The following ADD3 variants were observed in gnomAD, a reference collection of about 807,000 sequenced individuals.
ADD3 encodes the protein adducin 3.
In ADD3, 25 loss-of-function variants were observed where a neutral mutation model predicts 80.2. The ratio of observed to expected loss-of-function variants is 0.31; its 90% CI spans 0.23 to 0.44. The LOEUF is 0.44. ADD3 is among the 20% of genes least tolerant of loss of function. ADD3 has a pLI of 1.00. For missense variants in ADD3, 829 were observed against 847.5 expected (o/e 0.98, Z 0.27); for synonymous variants, 284 against 289.6 (o/e 0.98, Z 0.20).
chr10:110,009,041 A>C (rs1852006695), intron 1 of ADD3, among the ~76,000 whole-genome samples: 1 of 152,196 alleles, frequency 6.6e-6, no homozygotes, highest in African/African-American at 2.4e-5. Flanking sequence ...GGCCTCTTTT[A>C]AAATGGCAAG....
chr10:110,122,948 ACT>A (rs1408541515), intron 9 of ADD3, among the ~76,000 whole-genome samples: 2 of 151,572 alleles, frequency 1.3e-5, no homozygotes, highest in Non-Finnish European at 2.9e-5. Flanking sequence ...ACTTTTTAAG[ACT>A]CTGTATATAA....
intron 1 of ADD3, among the ~76,000 whole-genome samples, chr10:110,096,207 A>G (rs1214115374): frequency 2.0e-5 from 3 of 152,240 alleles, no homozygotes; most frequent in African/African-American, 7.2e-5. Flanking sequence ...CATTCTACCT[A>G]GAAATCTTAG....
intron 1 of ADD3, among the ~76,000 whole-genome samples, chr10:110,028,436 C>T (rs573615470): frequency 3.3e-5 from 5 of 152,062 alleles, no homozygotes; most frequent in South Asian, 4.2e-4. Flanking sequence ...TGGTGGCGGG[C>T]GCCTGTAATC....
At chr10:110,110,424 A>G (rs1300496599) in intron 2 of ADD3, among the ~76,000 whole-genome samples, 1 of 152,208 alleles carries the variant, frequency 6.6e-6, no homozygotes, top group East Asian at 1.9e-4. Context: ...AAACTGTTCA[A>G]CAGGAGCTAT....
rs568984236 is a variant in ADD3 at position 110,128,697 on chromosome 10, G to A, written c.1609-1666G>A. ...CTCCCAAAGTGCTGGGATTACAGGC[G>A]TGAGCCACCACGCCCAGCCAACTTT... On this transcript the variant is annotated intron_variant, in intron 12 of 14. Transcript: ENST00000356080. Among the ~76,000 whole-genome samples, 656 of 152,308 alleles carry A rather than the reference G, an allele frequency of 4.3e-3. 3 individuals are homozygous for A. The highest frequency in any genetic ancestry group is 0.011 in the South Asian group (55 of 4,818).
intron 1 of ADD3, among the ~76,000 whole-genome samples, chr10:110,079,599 A>G (rs1845831326): frequency 1.3e-5 from 2 of 151,266 alleles, no homozygotes; most frequent in African/African-American, 4.9e-5. Context: ...TCTGTCACCT[A>G]GGTTGGAGTA....
At chr10:110,073,997 C>T (rs965601493) in intron 1 of ADD3, among the ~76,000 whole-genome samples, 2 of 151,822 alleles carry the variant, frequency 1.3e-5, no homozygotes, top group Non-Finnish European at 2.9e-5. Context: ...GACTGAATGT[C>T]CCACAGAGCT....
rs113327048 is a variant in ADD3 at position 110,045,486 on chromosome 10, C to T, written c.-30+37187C>T. On this transcript the variant is annotated intron_variant, in intron 1 of 14. Transcript: ENST00000356080. Reference sequence around the variant, plus strand: ...ATAAATTTTATCTCCTTATAGTTGACGCTTGAGCAATGTGGGTTTGAATAG... The same window carrying T: ...ATAAATTTTATCTCCTTATAGTTGATGCTTGAGCAATGTGGGTTTGAATAG... 5.2e-3 allele frequency among the ~76,000 whole-genome samples: 784 copies of T among 152,216 alleles called. 4 individuals are homozygous for T. The highest frequency in any genetic ancestry group is 0.015 in the South Asian group (71 of 4,832).
chr10:110,080,465 C>G (rs994764455), intron 1 of ADD3, among the ~76,000 whole-genome samples: 4 of 152,226 alleles, frequency 2.6e-5, no homozygotes, highest in Non-Finnish European at 5.9e-5. Flanking sequence ...TTCCATGTGG[C>G]CTAAGCTATT....
Position 110,122,246 on chromosome 10 carries a change from T to C in ADD3, c.1097T>C (p.Val366Ala), listed in dbSNP as rs944455667. ...ATGGGTTCCCATCAAAAATGGAAGG[T>C]TGGCGAAATTGAGTTTGAAGGGCTT... ...VNMGSHQKWKVGEIEFEGLMR... is the reference protein window; with the variant it reads ...VNMGSHQKWKAGEIEFEGLMR... The change falls in exon 9 of 15, where the codon GTT becomes GCT. Residue 366 changes from valine to alanine, a missense_variant. Transcript: ENST00000356080. 6.2e-6 allele frequency: 10 copies of C among 1,613,968 alleles called. No homozygotes were observed. The African/African-American group carries it at 1.3e-4, about 22-fold the overall frequency.
At chr10:110,125,601 T>C (rs1034466490) in intron 10 of ADD3, among the ~76,000 whole-genome samples, 1 of 152,180 alleles carries the variant, frequency 6.6e-6, no homozygotes, top group Non-Finnish European at 1.5e-5. Context: ...AGCAGTATAA[T>C]TGAATATTTA....
At chr10:110,017,849 T>TAATG (rs1347836033) in intron 1 of ADD3, among the ~76,000 whole-genome samples, 1 of 152,188 alleles carries the variant, frequency 6.6e-6, no homozygotes, top group African/African-American at 2.4e-5. Flanking sequence ...CTATTATGAG[T>TAATG]AATGGTCTTG....
intron 13 of ADD3, among the ~76,000 whole-genome samples, chr10:110,131,832 T>C (rs1488333436): frequency 6.6e-6 from 1 of 152,246 alleles, no homozygotes; most frequent in East Asian, 1.9e-4. Flanking sequence ...TATAACTTTA[T>C]AGTAGTTTCT....
intron 1 of ADD3, 133 bp from the exon 2 acceptor site, chr10:110,100,492 A>G (rs918234641): frequency 6.3e-6 from 3 of 477,210 alleles, no homozygotes; most frequent in Non-Finnish European, 7.3e-6. Context: ...TTGTTCTAAT[A>G]TTTTTGAGAA....
At chr10:110,121,147 A>G (rs1590214648) in intron 8 of ADD3, among the ~76,000 whole-genome samples, 1 of 152,098 alleles carries the variant, frequency 6.6e-6, no homozygotes, top group Non-Finnish European at 1.5e-5. Flanking sequence ...AAAATTGACA[A>G]ATGGGATCTA....
chr10:110,035,641 A>G (rs1207707047), intron 1 of ADD3, among the ~76,000 whole-genome samples: 1 of 152,112 alleles, frequency 6.6e-6, no homozygotes, highest in African/African-American at 2.4e-5. Context: ...CTCAGACTTT[A>G]GCATGCATTG....
At position 110,130,579 on chromosome 10, in the gene ADD3, G is replaced by GCT. The variant is rs1262014287; in HGVS notation, c.1732+93_1732+94insCT. On this transcript the variant is annotated intron_variant, in intron 13 of 14. Coordinates refer to ENST00000356080, the MANE Select transcript of ADD3 (RefSeq NM_016824.5). Reference sequence around the variant, plus strand: ...TGATAGAAAGCAGTCAGTGTGGCCGGGCACAATGGCTCACACCTGTAATCC... The same window carrying GCT: ...TGATAGAAAGCAGTCAGTGTGGCCGGCTGCACAATGGCTCACACCTGTAATCC... The GCT allele has an allele frequency of 2.9e-6, 4 of 1,377,014 alleles. No homozygotes were observed. In the African/African-American group the frequency reaches 5.7e-5, roughly 20 times the overall value. 85.3% of individuals were successfully genotyped at this position (1,377,014 alleles called of 1,614,324 possible). A position where few individuals can be genotyped will look rare whatever the true frequency, so the allele number is the denominator to read the frequency against.
At chr10:110,132,712 G>A (rs1329274195) in intron 14 of ADD3, 2 of 249,506 alleles carry the variant, frequency 8.0e-6, no homozygotes, top group Non-Finnish European at 7.9e-6. Context: ...TGGATCACGA[G>A]GTCAGGAGAT....
Position 110,022,120 on chromosome 10 carries a change from ACTCAGGGGTGAGT to A in ADD3, c.-30+13824_-30+13836del, listed in dbSNP as rs142052519. 7.3e-3 allele frequency among the ~76,000 whole-genome samples: 1,109 copies of A among 152,104 alleles called. 9 individuals are homozygous for A. Among genetic ancestry groups the A allele is most frequent in the African/African-American group, 0.025 (1,023 of 41,484 alleles). ...AGGAGGTGGTTTGTGATACTTGATA[ACTCAGGGGTGAGT>A]CTAATTTTTTTTTTAACACTTGATT... On this transcript the variant is annotated intron_variant, in intron 1 of 14. Transcript: ENST00000356080.
Sources: gnomAD v4.1 joint callset for allele counts (sites outside exome capture counted in the v4.1 genomes callset) on GRCh38, gnomAD v4.1.1 for gene constraint, MANE v1.5 for transcripts, NCBI Gene and HGNC (gene_info 2026-07-23, HGNC 2026-07-21) for gene names.